The following ACACA variants were observed in gnomAD, a reference collection of about 807,000 sequenced individuals.
The protein encoded by ACACA is acetyl-CoA carboxylase alpha, also known as acetyl-CoA carboxylase 1.
In ACACA, 103 loss-of-function variants were observed where a neutral mutation model predicts 296.1. The observed-to-expected ratio is 0.35, with a 90% CI of 0.30 to 0.41. The LOEUF (loss-of-function observed/expected upper bound fraction) is 0.41, where lower values mean the gene tolerates loss of function less well. ACACA is among the 10% of genes least tolerant of loss of function. ACACA has a pLI of 1.00. For synonymous variants in ACACA, 953 were observed against 1,038.6 expected (o/e 0.92, Z 1.58); for missense variants, 1,554 against 2,989.7 (o/e 0.52, Z 11.20).
At chr17:37,146,598 G>C (rs58429793) in intron 45 of ACACA, among the ~76,000 whole-genome samples, 1 of 139,294 alleles carries the variant, frequency 7.2e-6, no homozygotes, top group East Asian at 2.3e-4. Context: ...TAACAACCTC[G>C]TGGTTTATAT....
intron 45 of ACACA, chr17:37,141,246 C>T: frequency 1.7e-6 from 1 of 588,406 alleles, no homozygotes; most frequent in Non-Finnish European, 3.2e-6. Flanking sequence ...AGATCTCCTC[C>T]AGGGACTTGA....
intron 14 of ACACA, among the ~76,000 whole-genome samples, chr17:37,253,746 C>A (rs550264145): frequency 1.5e-3 from 225 of 152,132 alleles, no homozygotes; most frequent in African/African-American, 5.2e-3. Context: ...TATCCTTGTA[C>A]CTTATTTATT....
In ACACA at chr17:37,252,079, A is replaced by G; in HGVS notation, c.2007T>C (p.Val669=). Residue 669 remains valine (V), a synonymous_variant, in exon 16 of 56, where the codon GTT becomes GTC. Transcript: ENST00000616317. ...QAERPDTMLG[V]VCGALHVADV... is the part of the protein sequence containing the mutation. The stretch of plus-strand genomic sequence containing the variant: ...CTGCCACGTGGAGGGCACCACACAC[A>G]ACCCCCAACATGGTGTCAGGTCGCT... 1 of 1,614,190 alleles carries G rather than the reference A, an allele frequency of 6.2e-7. No homozygotes were observed. Among genetic ancestry groups the G allele is most frequent in the Non-Finnish European group, 8.5e-7 (1 of 1,180,020 alleles).
chr17:37,352,033 C>A (rs950676396), intron 1 of ACACA, among the ~76,000 whole-genome samples: 1 of 150,926 alleles, frequency 6.6e-6, no homozygotes, highest in African/African-American at 2.4e-5. Context: ...CGGGTTCATG[C>A]CATTCTCCTG....
At chr17:37,096,516 G>C (rs1447428530) in intron 54 of ACACA, among the ~76,000 whole-genome samples, 3 of 152,152 alleles carry the variant, frequency 2.0e-5, no homozygotes, top group Non-Finnish European at 4.4e-5. Flanking sequence ...CCTCTCCTGA[G>C]ACATCACTTA....
At chr17:37,348,928 GAC>G (rs1568033796) in intron 1 of ACACA, among the ~76,000 whole-genome samples, 1 of 138,390 alleles carries the variant, frequency 7.2e-6, no homozygotes, top group East Asian at 2.1e-4. Flanking sequence ...CAGCCTGGGC[GAC>G]AGAGTGAGAC....
chr17:37,322,629 C>T (rs1172521921), intron 3 of ACACA, among the ~76,000 whole-genome samples: 2 of 152,062 alleles, frequency 1.3e-5, no homozygotes, highest in African/African-American at 2.4e-5. Flanking sequence ...CAAATAAACC[C>T]GAGACCACAG....
intron 20 of ACACA, 27 bp from the exon 21 acceptor site, chr17:37,244,761 C>A (rs1294204807): frequency 1.9e-6 from 3 of 1,614,028 alleles, no homozygotes; most frequent in Non-Finnish European, 2.5e-6. Flanking sequence ...GAGATCAAGT[C>A]ATCTACTACT....
chr17:37,236,867 A>T (rs1641513443), intron 24 of ACACA, among the ~76,000 whole-genome samples: 2 of 152,146 alleles, frequency 1.3e-5, no homozygotes, highest in Admixed American at 1.3e-4. Context: ...AAAACAAAAC[A>T]GTTTAATTAT....
intron 1 of ACACA, among the ~76,000 whole-genome samples, chr17:37,373,604 C>T (rs764523042): frequency 2.0e-5 from 3 of 152,114 alleles, no homozygotes; most frequent in Non-Finnish European, 4.4e-5. Flanking sequence ...GCGAGGTGAT[C>T]AAAGAAAACT....
At chr17:37,318,741 A>G (rs1331043842) in intron 3 of ACACA, among the ~76,000 whole-genome samples, 1 of 152,192 alleles carries the variant, frequency 6.6e-6, no homozygotes, top group Non-Finnish European at 1.5e-5. Context: ...TTATACCAAT[A>G]TGGCACATTT....
At chr17:37,142,455 C>T (rs569255555) in intron 45 of ACACA, among the ~76,000 whole-genome samples, 2 of 152,264 alleles carry the variant, frequency 1.3e-5, no homozygotes, top group Admixed American at 1.3e-4. Flanking sequence ...GGGGAGGGAG[C>T]GCTTGAAAAT....
chr17:37,380,904 T>TCTATATTCTACTAGCCCCCTATTGATA (rs1568079850), intron 1 of ACACA, among the ~76,000 whole-genome samples: 3 of 151,574 alleles, frequency 2.0e-5, no homozygotes, highest in Admixed American at 6.6e-5. Context: ...CCAGGTTTTT[T>TCTATATTCTACTAGCCCCCTATTGATA]TTTTTTTTAA....
intron 3 of ACACA, among the ~76,000 whole-genome samples, chr17:37,313,734 T>C (rs1358559852): frequency 1.3e-5 from 2 of 152,288 alleles, no homozygotes; most frequent in East Asian, 3.9e-4. Flanking sequence ...TTGATGGCTG[T>C]ATAAATTAAA....
intron 43 of ACACA, 46 bp downstream of exon 43, chr17:37,155,634 TCTC>T: frequency 1.6e-6 from 2 of 1,242,390 alleles, no homozygotes; most frequent in Non-Finnish European, 2.4e-6. Flanking sequence ...AATACCATAT[TCTC>T]CTTTCTTTAG....
chr17:37,171,963 A>T (rs1466741449), intron 41 of ACACA, among the ~76,000 whole-genome samples: 1 of 152,226 alleles, frequency 6.6e-6, no homozygotes, highest in African/African-American at 2.4e-5. Context: ...CTATAGTCCC[A>T]GAAGCCTTGT....
intron 4 of ACACA, among the ~76,000 whole-genome samples, chr17:37,283,876 A>G (rs973703701): frequency 6.6e-6 from 1 of 152,228 alleles, no homozygotes; most frequent in East Asian, 1.9e-4. Context: ...CTGAACTCCA[A>G]TACCTTAGAA....
At chr17:37,166,772 C>A (rs2076684028) in intron 41 of ACACA, among the ~76,000 whole-genome samples, 1 of 152,090 alleles carries the variant, frequency 6.6e-6, no homozygotes, top group Non-Finnish European at 1.5e-5. Flanking sequence ...GATGACAGCA[C>A]CTTTCTGGAG....
Position 37,206,769 on chromosome 17 carries a change from A to G in ACACA, c.3948+14T>C. 6.3e-7 allele frequency: 1 copy of G among 1,583,166 alleles called. No individual in the cohort carries two copies. Among genetic ancestry groups the G allele is most frequent in the Non-Finnish European group, 8.7e-7 (1 of 1,152,042 alleles). On this transcript the variant is annotated intron_variant, in intron 32 of 55. Transcript: ENST00000616317. ...TGAGGGGAACAAAGCAGTCTCCCAAAAGGGACATTATACCTTATCCTCATC... is the reference window on the plus strand; with the variant it reads ...TGAGGGGAACAAAGCAGTCTCCCAAGAGGGACATTATACCTTATCCTCATC...
Sources: allele counts gnomAD v4.1 joint callset (sites outside exome capture counted in the v4.1 genomes callset), GRCh38; gene constraint gnomAD v4.1.1; transcripts MANE v1.5; gene names NCBI Gene and HGNC (gene_info 2026-07-23, HGNC 2026-07-21).